Variants in AGBL1 observed in about 807,000 individuals in gnomAD.
The protein encoded by AGBL1 is cytosolic carboxypeptidase 4.
In AGBL1, 130 loss-of-function variants were observed where a neutral mutation model predicts 118.9. That is an observed-to-expected ratio of 1.09 (90% CI 0.95 to 1.26). The LOEUF is 1.26. Ranked by LOEUF, AGBL1 falls within the 50% of genes most tolerant of loss-of-function variation. The pLI is 0.00. For synonymous variants in AGBL1, 555 were observed against 478.9 expected, an observed-to-expected ratio of 1.16 and a Z score of -2.08; for missense variants, 1,584 against 1,298.1, an observed-to-expected ratio of 1.22 and a Z score of -3.38.
intron 22 of AGBL1, among the ~76,000 whole-genome samples, chr15:86,884,084 T>C (rs1282721480): frequency 6.6e-6 from 1 of 152,226 alleles, no homozygotes; most frequent in African/African-American, 2.4e-5. Context: ...CTTTCCTCAT[T>C]AAGTTGAGAA....
At chr15:86,168,532 A>G (rs994387509) in intron 5 of AGBL1, among the ~76,000 whole-genome samples, 4 of 152,208 alleles carry the variant, frequency 2.6e-5, no homozygotes, top group Non-Finnish European at 5.9e-5. Context: ...CAATCACAGT[A>G]TTATTTATAA....
At chr15:86,472,894 G>A (rs2082498095) in intron 18 of AGBL1, among the ~76,000 whole-genome samples, 1 of 152,102 alleles carries the variant, frequency 6.6e-6, no homozygotes, top group Non-Finnish European at 1.5e-5. Flanking sequence ...ACTCTAGTCT[G>A]GATGACAGAG....
chr15:86,315,703 G>A (rs1169024559), intron 17 of AGBL1, among the ~76,000 whole-genome samples: 3 of 135,116 alleles, frequency 2.2e-5, no homozygotes, highest in Non-Finnish European at 4.7e-5. Context: ...GGGTGACAGA[G>A]TGAGACTTTT....
chr15:86,178,681 A>G (rs2077514335), intron 5 of AGBL1, among the ~76,000 whole-genome samples: 1 of 152,236 alleles, frequency 6.6e-6, no homozygotes, highest in Non-Finnish European at 1.5e-5. Context: ...AAAATTCTGT[A>G]CAAACTCTTG....
chr15:86,244,086 A>AATAAAT (rs879539861), intron 6 of AGBL1, among the ~76,000 whole-genome samples: 16 of 149,598 alleles, frequency 1.1e-4, no homozygotes, highest in South Asian at 6.3e-4. Context: ...TAAATAAATA[A>AATAAAT]ATATATATAT....
intron 17 of AGBL1, among the ~76,000 whole-genome samples, chr15:86,378,413 T>C (rs998441663): frequency 3.9e-5 from 6 of 152,142 alleles, no homozygotes; most frequent in Non-Finnish European, 5.9e-5. Context: ...CCACTTTCTT[T>C]TGGGGGTCTG....
At chr15:86,234,176 T>C (rs1430912514) in intron 6 of AGBL1, among the ~76,000 whole-genome samples, 1 of 152,092 alleles carries the variant, frequency 6.6e-6, no homozygotes, top group African/African-American at 2.4e-5. Context: ...TTGACCATAG[T>C]ATAAAAGTGC....
In AGBL1 at chr15:86,471,808, G is replaced by T. The variant is rs188369892; in HGVS notation, c.2556-51002G>T. 2.0e-5 allele frequency among the ~76,000 whole-genome samples: 3 copies of T among 152,202 alleles called. No homozygotes were observed. The East Asian group carries it at 5.8e-4, about 29-fold the overall frequency. On this transcript the variant is annotated intron_variant, in intron 18 of 22. Transcript: ENST00000614907. ...TTAAGGGTGATGTAGTAGGTCGAAT[G>T]GTGACCTCCAAAAAGATATTGGCAT... is the stretch of plus-strand genomic sequence containing the variant.
At chr15:86,726,861 A>G (rs918765085) in intron 22 of AGBL1, among the ~76,000 whole-genome samples, 4 of 152,138 alleles carry the variant, frequency 2.6e-5, no homozygotes, top group Non-Finnish European at 4.4e-5. Flanking sequence ...AGCCAGTACT[A>G]TGTATCATCA....
chr15:86,310,912 C>T (rs992823693), intron 17 of AGBL1, among the ~76,000 whole-genome samples: 1 of 152,160 alleles, frequency 6.6e-6, no homozygotes, highest in Non-Finnish European at 1.5e-5. Context: ...ACATAAAAAG[C>T]TGTTCCTGCT....
At chr15:86,143,893 G>A (rs772297093) in intron 3 of AGBL1, 48 bp downstream of exon 3, 66 of 1,594,250 alleles carry the variant, frequency 4.1e-5, no homozygotes, top group Non-Finnish European at 5.1e-5. Flanking sequence ...CACTTCTAGG[G>A]TTGTTATCAT....
chr15:86,511,081 A>G (rs1445361168), intron 18 of AGBL1, among the ~76,000 whole-genome samples: 1 of 152,126 alleles, frequency 6.6e-6, no homozygotes, highest in Admixed American at 6.6e-5. Context: ...TAGTTGAACA[A>G]CAAATGTGTG....
intron 18 of AGBL1, among the ~76,000 whole-genome samples, chr15:86,426,953 T>G (rs918331505): frequency 6.6e-6 from 1 of 152,028 alleles, no homozygotes; most frequent in Non-Finnish European, 1.5e-5. Flanking sequence ...TTTAGTAGAG[T>G]CAGGGTTTTG....
intron 18 of AGBL1, among the ~76,000 whole-genome samples, chr15:86,441,632 G>T (rs1270079395): frequency 6.6e-6 from 1 of 152,232 alleles, no homozygotes; most frequent in African/African-American, 2.4e-5. Context: ...AAATAACAGT[G>T]TGTGTACTTG....
Position 86,113,398 on chromosome 15 carries a change from C to T in AGBL1, c.52-28606C>T, listed in dbSNP as rs1897557124. On this transcript the variant is annotated intron_variant, in intron 1 of 22. Transcript: ENST00000614907. ...TGCCTCCTGGGTTCAAGCAATTCTC[C>T]TGCCTCAGCCTCCCGAGTAGCTAGG... Among the ~76,000 whole-genome samples the T allele has an allele frequency of 6.6e-5, 10 of 151,196 alleles. No homozygotes were observed. The South Asian group carries it at 2.1e-3, about 32-fold the overall frequency.
intron 22 of AGBL1, among the ~76,000 whole-genome samples, chr15:86,869,545 G>A (rs891937280): frequency 6.6e-6 from 1 of 152,120 alleles, no homozygotes; most frequent in Non-Finnish European, 1.5e-5. Context: ...TAGAAGTCAT[G>A]AGGGGCATAT....
chr15:86,295,313 A>G lies in AGBL1; in HGVS notation c.2279A>G (p.Asp760Gly). 1 of 1,613,724 alleles carries G rather than the reference A, an allele frequency of 6.2e-7. No homozygotes were observed. Among genetic ancestry groups the G allele is most frequent in the Non-Finnish European group, 8.5e-7 (1 of 1,179,736 alleles). Residue 760 changes from aspartate (D) to glycine (G), a missense_variant, in exon 17 of 23, where the codon GAT becomes GGT. Asp to Gly is a moderately conservative substitution (Grantham distance 94). Coordinates refer to ENST00000614907, the MANE Select transcript of AGBL1 (RefSeq NM_001386094.1). ...CTCAAAGAGGTCTACTTCCGGCAAGATGTTCTCTGCCAGACGCTGGGAGGG... is the reference window on the plus strand; with the variant it reads ...CTCAAAGAGGTCTACTTCCGGCAAGGTGTTCTCTGCCAGACGCTGGGAGGG... Reference protein sequence around the residue: ...VNLKEVYFRQDVLCQTLGGNP... With the variant: ...VNLKEVYFRQGVLCQTLGGNP...
At chr15:86,796,063 C>G (rs1161822462) in intron 22 of AGBL1, among the ~76,000 whole-genome samples, 2 of 152,096 alleles carry the variant, frequency 1.3e-5, no homozygotes. Context: ...TTTACCAACT[C>G]TATGAGGCAC....
chr15:86,166,241 C>T (rs557412665), intron 5 of AGBL1, among the ~76,000 whole-genome samples: 1 of 152,202 alleles, frequency 6.6e-6, no homozygotes, highest in Non-Finnish European at 1.5e-5. Flanking sequence ...ATGTGCCTGT[C>T]TCAATGTTAA....
Sources: gnomAD v4.1 joint callset for allele counts (sites outside exome capture counted in the v4.1 genomes callset) on GRCh38, gnomAD v4.1.1 for gene constraint, MANE v1.5 for transcripts, NCBI Gene and HGNC (gene_info 2026-07-23, HGNC 2026-07-21) for gene names.